Variants in MATCAP2 observed in about 807,000 individuals in gnomAD.
The protein encoded by MATCAP2 is microtubule associated tyrosine carboxypeptidase 2.
chr7:36,382,784 C>T, the MATCAP2 span, among the ~76,000 whole-genome samples: 3 of 152,136 alleles, frequency 2.0e-5, no homozygotes, highest in African/African-American at 7.2e-5. Context: ...TGAGCCACCA[C>T]GCCCAGCCAA....
chr7:36,365,019 T>C, the MATCAP2 span, among the ~76,000 whole-genome samples: 6 of 152,172 alleles, frequency 3.9e-5, no homozygotes, highest in Admixed American at 2.0e-4. Flanking sequence ...CACTAAATTA[T>C]AGGAAGGGAA....
the MATCAP2 span, among the ~76,000 whole-genome samples, chr7:36,328,768 G>T: frequency 6.6e-6 from 1 of 151,010 alleles, no homozygotes; most frequent in Non-Finnish European, 1.5e-5. Flanking sequence ...ATAAATAGCC[G>T]GGAGCGGTGG....
chr7:36,340,943 G>A, the MATCAP2 span, among the ~76,000 whole-genome samples: 2 of 152,212 alleles, frequency 1.3e-5, no homozygotes, highest in Non-Finnish European at 2.9e-5. Context: ...AAGGCACAGG[G>A]AAGCTTGGAG....
chr7:36,384,064 G>A, the MATCAP2 span: 1 of 332,410 alleles, frequency 3.0e-6, no homozygotes, highest in Non-Finnish European at 5.2e-6. Flanking sequence ...ACAAATGTGT[G>A]TGACTGTATT....
chr7:36,341,549 G>A, the MATCAP2 span, among the ~76,000 whole-genome samples: 1 of 152,160 alleles, frequency 6.6e-6, no homozygotes, highest in African/African-American at 2.4e-5. Flanking sequence ...AGGGCCTTTG[G>A]AAAGTGATTA....
the MATCAP2 span, among the ~76,000 whole-genome samples, chr7:36,376,992 G>T: frequency 6.6e-6 from 1 of 151,770 alleles, no homozygotes; most frequent in African/African-American, 2.4e-5. Flanking sequence ...GCCTATGTTT[G>T]TCTCTGCATT....
At chr7:36,336,561 G>A in the MATCAP2 span, among the ~76,000 whole-genome samples, 45 of 152,216 alleles carry the variant, frequency 3.0e-4, no homozygotes, top group Non-Finnish European at 5.6e-4. Context: ...CAAGAACTGC[G>A]TATCTCAAGT....
chr7:36,376,992 G>C, the MATCAP2 span, among the ~76,000 whole-genome samples: 2 of 151,770 alleles, frequency 1.3e-5, no homozygotes, highest in Admixed American at 1.3e-4. Context: ...GCCTATGTTT[G>C]TCTCTGCATT....
the MATCAP2 span, chr7:36,333,781 AG>A: frequency 8.2e-7 from 1 of 1,221,636 alleles, no homozygotes; most frequent in Non-Finnish European, 1.1e-6. Context: ...TTTGTGATTC[AG>A]GGATTAGGAT....
chr7:36,389,854 C>G, the MATCAP2 span: 8 of 1,216,690 alleles, frequency 6.6e-6, no homozygotes, highest in Non-Finnish European at 9.3e-6. Flanking sequence ...TGAACGGCTG[C>G]AGAGGCCGAG....
chr7:36,379,627 C>T, the MATCAP2 span, among the ~76,000 whole-genome samples: 2 of 151,718 alleles, frequency 1.3e-5, no homozygotes, highest in African/African-American at 2.4e-5. Context: ...TATGTACAGT[C>T]GTGTGTTACT....
At chr7:36,340,158 G>A in the MATCAP2 span, among the ~76,000 whole-genome samples, 3 of 152,190 alleles carry the variant, frequency 2.0e-5, no homozygotes, top group Admixed American at 6.5e-5. Flanking sequence ...ATGAGCCACC[G>A]CGCTTGGCCT....
the MATCAP2 span, chr7:36,357,162 T>C: frequency 9.9e-6 from 16 of 1,614,204 alleles, no homozygotes; most frequent in East Asian, 3.6e-4. Context: ...ACCTTGCTTT[T>C]GGGTTTAGGT....
the MATCAP2 span, among the ~76,000 whole-genome samples, chr7:36,346,839 C>T: frequency 6.6e-6 from 1 of 152,218 alleles, no homozygotes; most frequent in South Asian, 2.1e-4. Flanking sequence ...TGGCTTACTG[C>T]AACCTCCGCC....
the MATCAP2 span, chr7:36,333,922 C>A: frequency 1.2e-6 from 2 of 1,614,110 alleles, no homozygotes; most frequent in Non-Finnish European, 1.7e-6. Context: ...GTATTGGGGT[C>A]CTTGACAAAC....
the MATCAP2 span, among the ~76,000 whole-genome samples, chr7:36,338,431 G>T: frequency 1.3e-5 from 2 of 151,438 alleles, no homozygotes; most frequent in Admixed American, 1.3e-4. Flanking sequence ...CTGAGTAGCT[G>T]GGACAACAGA....
At chr7:36,386,380 C>T in the MATCAP2 span, among the ~76,000 whole-genome samples, 1 of 151,638 alleles carries the variant, frequency 6.6e-6, no homozygotes, top group African/African-American at 2.4e-5. Context: ...GGAAGGATTT[C>T]TTAAGGCATA....
chr7:36,352,759 G>A, the MATCAP2 span, among the ~76,000 whole-genome samples: 40,515 of 151,170 alleles, frequency 0.27, 6,026 homozygotes, highest in South Asian at 0.36. Flanking sequence ...TTGAACCTGG[G>A]AGGCTGAGGC....
At chr7:36,389,209 C>T in the MATCAP2 span, among the ~76,000 whole-genome samples, 15 of 152,210 alleles carry the variant, frequency 9.9e-5, no homozygotes, top group Admixed American at 3.3e-4. Flanking sequence ...TAGAGGCACG[C>T]GCCACCATGC....
Sources: gnomAD v4.1 joint callset for allele counts (sites outside exome capture counted in the v4.1 genomes callset) on GRCh38, gnomAD v4.1.1 for gene constraint, MANE v1.5 for transcripts, NCBI Gene and HGNC (gene_info 2026-07-23, HGNC 2026-07-21) for gene names.